Variants in GALNT13 observed in about 807,000 individuals in gnomAD.
GALNT13 encodes UDP-GalNAc:polypeptide N-acetylgalactosaminyltransferase 13.
Under a neutral mutation model 64.2 loss-of-function variants are expected in GALNT13, and 28 were observed. That is an observed-to-expected ratio of 0.44 (90% CI 0.32 to 0.60). The LOEUF is 0.60. Among genes scored for constraint, GALNT13 ranks in the 20% least tolerant of loss-of-function variants. The pLI is 0.05. For missense variants in GALNT13, 577 were observed against 669.8 expected, an observed-to-expected ratio of 0.86 and a Z score of 1.53; for synonymous variants, 214 against 224.6, an observed-to-expected ratio of 0.95 and a Z score of 0.42.
At chr2:153,511,524 A>C in the GALNT13 span, among the ~76,000 whole-genome samples, 1 of 152,162 alleles carries the variant, frequency 6.6e-6, no homozygotes, top group Non-Finnish European at 1.5e-5. Context: ...TAGAGGTCTG[A>C]GGGAAGAACA....
intron 4 of GALNT13, among the ~76,000 whole-genome samples, chr2:154,182,146 C>T (rs913461325): frequency 2.0e-5 from 3 of 152,036 alleles, no homozygotes; most frequent in African/African-American, 7.2e-5. Context: ...CAGAAACAAA[C>T]GCTTATAGAG....
At chr2:154,187,393 C>G (rs1406225139) in intron 4 of GALNT13, among the ~76,000 whole-genome samples, 1 of 151,172 alleles carries the variant, frequency 6.6e-6, no homozygotes, top group African/African-American at 2.4e-5. Flanking sequence ...CACACACACA[C>G]ACACACACAC....
At chr2:153,855,752 G>A in the GALNT13 span, among the ~76,000 whole-genome samples, 1 of 152,098 alleles carries the variant, frequency 6.6e-6, no homozygotes, top group Admixed American at 6.6e-5. Flanking sequence ...CAAGAAAAAT[G>A]AAGACATACA....
At chr2:153,481,132 G>A in the GALNT13 span, among the ~76,000 whole-genome samples, 30 of 152,164 alleles carry the variant, frequency 2.0e-4, no homozygotes, top group African/African-American at 4.8e-4. Flanking sequence ...AGCTAGTTCA[G>A]CTCTCTGGTT....
the GALNT13 span, among the ~76,000 whole-genome samples, chr2:153,551,220 C>T: frequency 6.6e-6 from 1 of 152,084 alleles, no homozygotes; most frequent in African/African-American, 2.4e-5. Flanking sequence ...TCAGGAAAAT[C>T]CTGAGAAAGT....
chr2:153,099,889 T>C, the GALNT13 span, among the ~76,000 whole-genome samples: 908 of 152,314 alleles, frequency 6.0e-3, 6 homozygotes, highest in African/African-American at 0.021. Flanking sequence ...TTGAGCTTCA[T>C]AAATATTTCT....
At chr2:153,307,162 A>C in the GALNT13 span, among the ~76,000 whole-genome samples, 1 of 152,224 alleles carries the variant, frequency 6.6e-6, no homozygotes, top group East Asian at 1.9e-4. Flanking sequence ...ACAATCTGAA[A>C]CATAAAGCAT....
chr2:154,044,316 G>A (rs936924461), intron 3 of GALNT13, among the ~76,000 whole-genome samples: 2 of 152,144 alleles, frequency 1.3e-5, no homozygotes, highest in Non-Finnish European at 2.9e-5. Flanking sequence ...AAGCTCAAGA[G>A]TAGAAACCTT....
chr2:153,693,219 G>A, the GALNT13 span, among the ~76,000 whole-genome samples: 4 of 152,158 alleles, frequency 2.6e-5, no homozygotes, highest in African/African-American at 4.8e-5. Flanking sequence ...TAGGAGTGCT[G>A]TCTATGATTT....
chr2:153,733,168 T>A, the GALNT13 span, among the ~76,000 whole-genome samples: 3 of 152,184 alleles, frequency 2.0e-5, no homozygotes, highest in Non-Finnish European at 2.9e-5. Context: ...AAACCCTTGT[T>A]TGTTTGTTTG....
chr2:154,306,348 T>G (rs1574059533), intron 9 of GALNT13, among the ~76,000 whole-genome samples: 1 of 151,786 alleles, frequency 6.6e-6, no homozygotes, highest in East Asian at 1.9e-4. Context: ...CCCCTCCCTA[T>G]GTCCATGTGT....
the GALNT13 span, among the ~76,000 whole-genome samples, chr2:153,538,178 A>T: frequency 6.6e-6 from 1 of 152,002 alleles, no homozygotes; most frequent in Admixed American, 6.6e-5. Context: ...ACTTTTTGGG[A>T]ATTGGAATAA....
chr2:153,391,208 G>A, the GALNT13 span, among the ~76,000 whole-genome samples: 1 of 152,180 alleles, frequency 6.6e-6, no homozygotes, highest in South Asian at 2.1e-4. Context: ...GAGCACAGGA[G>A]TGACATGATC....
At chr2:153,577,559 A>T in the GALNT13 span, among the ~76,000 whole-genome samples, 3 of 152,076 alleles carry the variant, frequency 2.0e-5, no homozygotes, top group Non-Finnish European at 2.9e-5. Context: ...TGTTTTCTCC[A>T]TCAGAAAGAA....
At chr2:154,187,874 C>A (rs976995473) in intron 4 of GALNT13, among the ~76,000 whole-genome samples, 1 of 152,018 alleles carries the variant, frequency 6.6e-6, no homozygotes, top group East Asian at 1.9e-4. Context: ...GACAGAAATG[C>A]AAACCCTACT....
chr2:153,755,222 A>G, the GALNT13 span, among the ~76,000 whole-genome samples: 1 of 152,152 alleles, frequency 6.6e-6, no homozygotes, highest in Non-Finnish European at 1.5e-5. Context: ...TTTAGTGTAG[A>G]TAGTTGTTAA....
intron 1 of GALNT13, among the ~76,000 whole-genome samples, chr2:153,896,081 A>ATATATATATATATATATATATTTTT (rs1574065409): frequency 7.3e-6 from 1 of 136,812 alleles, no homozygotes. Context: ...ATGATTTTAT[A>ATATATATATATATATATATATTTTT]TTTTTATGTT....
At chr2:153,929,308 G>A (rs186256596) in intron 2 of GALNT13, among the ~76,000 whole-genome samples, 3 of 152,232 alleles carry the variant, frequency 2.0e-5, no homozygotes, top group East Asian at 3.9e-4. Context: ...CCTTATCCCA[G>A]CCCTACTGTA....
chr2:153,258,350 A>G, the GALNT13 span, among the ~76,000 whole-genome samples: 151 of 143,284 alleles, frequency 1.1e-3, no homozygotes, highest in Non-Finnish European at 1.6e-3. Context: ...TTTGAGTAAT[A>G]GTAAAGCTCT....
Sources: allele counts gnomAD v4.1 joint callset (sites outside exome capture counted in the v4.1 genomes callset), GRCh38; gene constraint gnomAD v4.1.1; transcripts MANE v1.5; gene names NCBI Gene and HGNC (gene_info 2026-07-23, HGNC 2026-07-21).